Variants in UPP2 observed in about 807,000 individuals in gnomAD.
UPP2 encodes the protein uridine phosphorylase 2.
Under a neutral mutation model 26.7 loss-of-function variants are expected in UPP2, and 23 were observed. The ratio of observed to expected loss-of-function variants is 0.86; its 90% CI spans 0.62 to 1.22. UPP2 has a LOEUF of 1.22. Ranked by LOEUF, UPP2 falls within the 50% of genes most tolerant of loss-of-function variation. The pLI is 0.00. For synonymous variants in UPP2, 127 were observed against 141.3 expected (o/e 0.90, Z 0.72); for missense variants, 387 against 396.7 (o/e 0.98, Z 0.21).
At chr2:158,014,979 G>C (rs1683636699) in intron 2 of UPP2, among the ~76,000 whole-genome samples, 1 of 152,180 alleles carries the variant, frequency 6.6e-6, no homozygotes, top group Non-Finnish European at 1.5e-5. Flanking sequence ...ACAATAAAGA[G>C]AATAAAATTA....
intron 2 of UPP2, among the ~76,000 whole-genome samples, chr2:158,011,664 T>C (rs555006638): frequency 6.8e-6 from 1 of 148,002 alleles, no homozygotes; most frequent in Non-Finnish European, 1.5e-5. Flanking sequence ...AGAACACTTG[T>C]CTGGAGGGAG....
At chr2:158,063,466 A>G (rs2105180561) in intron 3 of UPP2, among the ~76,000 whole-genome samples, 1 of 152,334 alleles carries the variant, frequency 6.6e-6, no homozygotes. Flanking sequence ...ACTGCATGGT[A>G]GAGTCTGGTG....
intron 6 of UPP2, among the ~76,000 whole-genome samples, chr2:158,126,208 T>G (rs945583941): frequency 4.6e-5 from 7 of 152,242 alleles, no homozygotes; most frequent in African/African-American, 1.7e-4. Context: ...CTCTGCTACC[T>G]GCAGGTTTCC....
intron 5 of UPP2, among the ~76,000 whole-genome samples, chr2:158,122,172 G>A (rs1008488760): frequency 6.6e-6 from 1 of 151,900 alleles, no homozygotes; most frequent in Non-Finnish European, 1.5e-5. Flanking sequence ...GGGATGAAGG[G>A]CCAAGGGGAA....
chr2:158,078,630 G>C (rs555976322), intron 3 of UPP2, among the ~76,000 whole-genome samples: 1 of 152,238 alleles, frequency 6.6e-6, no homozygotes, highest in African/African-American at 2.4e-5. Context: ...CAGAGGCTGG[G>C]AAGAGTAGCA....
intron 3 of UPP2, among the ~76,000 whole-genome samples, chr2:158,016,470 G>A (rs1683661614): frequency 6.6e-6 from 1 of 151,942 alleles, no homozygotes; most frequent in African/African-American, 2.4e-5. Flanking sequence ...CCTCCCAAGT[G>A]GCTGGGATTA....
chr2:158,121,417 C>T lies in UPP2; in HGVS notation c.463C>T (p.Pro155Ser). The stretch of plus-strand genomic sequence containing the variant: ...TTATTCCCACATTGCAGGGATTGCA[C>T]CAGGGACTGTTGTAATAACGGATAT... ...IGTSGGIGIA[P>S]GTVVITDIAV... The change falls in exon 5 of 7, where the codon CCA (proline) becomes TCA (serine). Residue 155 changes from proline (P) to serine (S), a missense_variant. Physicochemically the swap from Pro to Ser is moderately conservative, Grantham distance 74. Transcript: ENST00000005756. 6.2e-7 allele frequency: 1 copy of T among 1,612,252 alleles called. No homozygotes were observed. The highest frequency in any genetic ancestry group is 1.3e-5 in the African/African-American group (1 of 74,988).
At chr2:158,089,214 G>A (rs1682866658) in intron 3 of UPP2, among the ~76,000 whole-genome samples, 1 of 152,062 alleles carries the variant, frequency 6.6e-6, no homozygotes, top group Non-Finnish European at 1.5e-5. Context: ...GTTCCCAGGG[G>A]GATTATGGTT....
intron 3 of UPP2, among the ~76,000 whole-genome samples, chr2:158,016,327 A>C (rs1458597126): frequency 6.6e-6 from 1 of 152,024 alleles, no homozygotes; most frequent in Non-Finnish European, 1.5e-5. Flanking sequence ...TAGCAAAAAA[A>C]ATTCTTGTGA....
At chr2:158,030,463 T>A (rs1368489853) in intron 3 of UPP2, among the ~76,000 whole-genome samples, 3 of 152,246 alleles carry the variant, frequency 2.0e-5, no homozygotes, top group African/African-American at 7.2e-5. Flanking sequence ...GCATATGTTA[T>A]AATCACCATA....
At chr2:158,099,621 C>G (rs1683041697), upstream of UPP2, among the ~76,000 whole-genome samples, 1 of 152,044 alleles carries the variant, frequency 6.6e-6, no homozygotes, top group Non-Finnish European at 1.5e-5. Context: ...GACTCTGGTC[C>G]CAGGGCTAGT....
At chr2:158,090,449 C>G (rs965561486) in intron 3 of UPP2, among the ~76,000 whole-genome samples, 1 of 151,942 alleles carries the variant, frequency 6.6e-6, no homozygotes, top group African/African-American at 2.4e-5. Flanking sequence ...TGCAGTGAGC[C>G]GAGATGGTGC....
intron 3 of UPP2, among the ~76,000 whole-genome samples, chr2:158,026,257 C>T (rs1421700985): frequency 6.6e-6 from 1 of 152,108 alleles, no homozygotes; most frequent in African/African-American, 2.4e-5. Flanking sequence ...TGAAAATTCC[C>T]AGAGCATTAC....
At chr2:158,083,127 C>T (rs567841791) in intron 3 of UPP2, among the ~76,000 whole-genome samples, 1 of 152,142 alleles carries the variant, frequency 6.6e-6, no homozygotes, top group Non-Finnish European at 1.5e-5. Context: ...ATTAGTTCAA[C>T]CATTGTGGAA....
intron 3 of UPP2, chr2:158,065,994 G>A (rs1682428247): frequency 5.0e-6 from 2 of 396,340 alleles, no homozygotes; most frequent in Non-Finnish European, 9.3e-6. Context: ...TGTATTTGGA[G>A]AAGTATCATC....
At chr2:158,089,852 G>A (rs749275430) in intron 3 of UPP2, among the ~76,000 whole-genome samples, 15 of 152,198 alleles carry the variant, frequency 9.9e-5, no homozygotes, top group Middle Eastern at 3.4e-3. Flanking sequence ...ACAGTTTTTT[G>A]GGTATATCCT....
Position 158,101,953 on chromosome 2 carries a change from C to T in UPP2, c.-111C>T. On this transcript the variant is annotated 5_prime_UTR_variant, in exon 1 of 7. Transcript: ENST00000005756. ...AAACCTAAGTTTTAAGAGAGGTTAT[C>T]ATTCTGACTGGGAACTGAACTATTA... The T allele has an allele frequency of 2.7e-6, 4 of 1,464,892 alleles. No individual in the cohort carries two copies. The highest frequency in any genetic ancestry group is 3.6e-6 in the Non-Finnish European group (4 of 1,108,568). 90.7% of individuals were successfully genotyped at this position (1,464,892 alleles called of 1,614,324 possible). A position where few individuals can be genotyped will look rare whatever the true frequency, so the allele number is the denominator to read the frequency against.
intron 6 of UPP2, among the ~76,000 whole-genome samples, chr2:158,131,465 T>C (rs1421412893): frequency 3.3e-5 from 5 of 152,112 alleles, no homozygotes; most frequent in African/African-American, 1.2e-4. Context: ...ACACAAATAT[T>C]TTGTGTGTAT....
intron 2 of UPP2, among the ~76,000 whole-genome samples, chr2:157,997,818 AT>A (rs1320939252): frequency 6.6e-6 from 1 of 152,148 alleles, no homozygotes. Flanking sequence ...GGGGATGTTC[AT>A]TTTCCTTAAG....
Sources: allele counts gnomAD v4.1 joint callset (sites outside exome capture counted in the v4.1 genomes callset), GRCh38; gene constraint gnomAD v4.1.1; transcripts MANE v1.5; gene names NCBI Gene and HGNC (gene_info 2026-07-23, HGNC 2026-07-21).